Variants in SMIM14 observed in about 807,000 individuals in gnomAD.
SMIM14 encodes small integral membrane protein 14, also known as chromosome 4 open reading frame 34.
A neutral mutation model predicts 12.6 loss-of-function variants in SMIM14; 5 were observed. The observed-to-expected ratio is 0.40, with a 90% CI of 0.21 to 0.83. The LOEUF (loss-of-function observed/expected upper bound fraction) is 0.83, where lower values mean the gene tolerates loss of function less well. Among genes scored for constraint, SMIM14 ranks in the 40% least tolerant of loss-of-function variants. The probability of loss-of-function intolerance (pLI) is 0.37; values close to 1 mark genes in which losing one functional copy is unlikely to be tolerated. For synonymous variants in SMIM14, 30 were observed against 40.1 expected (o/e 0.75, Z 0.95); for missense variants, 86 against 119.1 (o/e 0.72, Z 1.29).
intron 1 of SMIM14, among the ~76,000 whole-genome samples, chr4:39,619,259 T>C (rs1457680362): frequency 2.4e-5 from 3 of 126,170 alleles, no homozygotes; most frequent in Admixed American, 1.8e-4. Context: ...ATTCTATATA[T>C]CAATAAATAT....
rs33990654 is a variant in SMIM14, at chr4:39,547,905, C to CT, written c.*4220dup. 577 of 137,960 alleles carry CT rather than the reference C, an allele frequency of 4.2e-3. 2 individuals are homozygous for CT. Among genetic ancestry groups the CT allele is most frequent in the African/African-American group, 6.2e-3 (226 of 36,540 alleles). 8.5% of individuals were successfully genotyped at this position (137,960 alleles called of 1,614,324 possible). ...ATAACATGAAAAAAATGAAAAACAT[C>CT]TTTTTTTTTTTTTTTTTGAGACGGA... On this transcript the variant is annotated 3_prime_UTR_variant, in exon 5 of 5. Transcript: ENST00000295958.
chr4:39,585,986 T>C (rs1250340470), intron 2 of SMIM14, among the ~76,000 whole-genome samples: 2 of 152,108 alleles, frequency 1.3e-5, no homozygotes, highest in Admixed American at 1.3e-4. Flanking sequence ...TACGGTCTTG[T>C]CCTGTAAAAT....
At chr4:39,625,590 G>T (rs557033410) in intron 1 of SMIM14, among the ~76,000 whole-genome samples, 10 of 152,172 alleles carry the variant, frequency 6.6e-5, no homozygotes, top group Middle Eastern at 3.4e-3. Context: ...ACAGGCACGC[G>T]CCACCACATC....
At chr4:39,638,630 T>C (rs755265943) in intron 1 of SMIM14, 109 bp downstream of exon 1, 3 of 974,622 alleles carry the variant, frequency 3.1e-6, no homozygotes, top group African/African-American at 1.8e-5. Flanking sequence ...AACAGCCCTG[T>C]TCTGCCGCAG....
At chr4:39,626,791 A>C (rs1036234509) in intron 1 of SMIM14, among the ~76,000 whole-genome samples, 1 of 151,156 alleles carries the variant, frequency 6.6e-6, no homozygotes, top group African/African-American at 2.4e-5. Flanking sequence ...ACTAGGCTTA[A>C]CTCTTCAAGG....
At chr4:39,580,440 A>C (rs559136667) in intron 2 of SMIM14, among the ~76,000 whole-genome samples, 1 of 152,214 alleles carries the variant, frequency 6.6e-6, no homozygotes, top group South Asian at 2.1e-4. Context: ...TTGGCCTCCC[A>C]AAGTGCTGGG....
chr4:39,628,988 C>T lies in SMIM14; in HGVS notation c.-36+9751G>A, dbSNP rs562428865. 8.8e-4 allele frequency among the ~76,000 whole-genome samples: 134 copies of T among 151,832 alleles called. 1 individual carries two copies. Among genetic ancestry groups the T allele is most frequent in the African/African-American group, 3.1e-3 (128 of 41,526 alleles). ...CTTCAGATGATCCACCTGCCTCAGC[C>T]TCTCAAAGTGCTGGGATTACAGGCG... On this transcript the variant is annotated intron_variant, in intron 1 of 4. Coordinates refer to ENST00000295958, the MANE Select transcript of SMIM14 (RefSeq NM_174921.3).
At chr4:39,623,303 T>TA in intron 1 of SMIM14, among the ~76,000 whole-genome samples, 1 of 152,180 alleles carries the variant, frequency 6.6e-6, no homozygotes, top group East Asian at 1.9e-4. Flanking sequence ...CTTTTAGTGC[T>TA]AAAAATTTCA....
At chr4:39,582,890 G>A (rs1713585935) in intron 2 of SMIM14, among the ~76,000 whole-genome samples, 1 of 151,790 alleles carries the variant, frequency 6.6e-6, no homozygotes, top group African/African-American at 2.4e-5. Flanking sequence ...CGCCTCCCGG[G>A]TCCAAAATTC....
intron 1 of SMIM14, among the ~76,000 whole-genome samples, chr4:39,637,887 T>C (rs1716159975): frequency 6.6e-6 from 1 of 152,222 alleles, no homozygotes; most frequent in South Asian, 2.1e-4. Flanking sequence ...GAAGGTCTCT[T>C]CTGCAAATGT....
chr4:39,565,819 G>A (rs748623946), intron 3 of SMIM14, among the ~76,000 whole-genome samples: 4 of 151,992 alleles, frequency 2.6e-5, no homozygotes, highest in Admixed American at 1.3e-4. Flanking sequence ...GGAGGTGATT[G>A]AATTATGGGG....
intron 2 of SMIM14, among the ~76,000 whole-genome samples, chr4:39,588,468 A>G (rs900234938): frequency 6.6e-6 from 1 of 152,198 alleles, no homozygotes; most frequent in South Asian, 2.1e-4. Context: ...ATAGAAGGCT[A>G]TGTGCCTTTT....
intron 1 of SMIM14, among the ~76,000 whole-genome samples, chr4:39,607,051 C>T (rs1190235131): frequency 6.6e-6 from 1 of 152,114 alleles, no homozygotes; most frequent in Non-Finnish European, 1.5e-5. Flanking sequence ...CCAGTAGTCC[C>T]AGCCACTTGG....
At chr4:39,579,180 G>A (rs1460247448) in intron 2 of SMIM14, among the ~76,000 whole-genome samples, 1 of 151,742 alleles carries the variant, frequency 6.6e-6, no homozygotes, top group African/African-American at 2.4e-5. Context: ...AGGCTGAGGT[G>A]GGAAGATCGC....
chr4:39,612,583 A>G (rs1237202175), intron 1 of SMIM14, among the ~76,000 whole-genome samples: 1 of 152,140 alleles, frequency 6.6e-6, no homozygotes, highest in Non-Finnish European at 1.5e-5. Flanking sequence ...AAATGAAAAG[A>G]TATTTTACTA....
In SMIM14 at chr4:39,624,675, T is replaced by G. The variant is rs1490029254; in HGVS notation, c.-36+14064A>C. Reference sequence around the variant, plus strand: ...CCCATCTCTACTAAAAATACAAAAATTAGCTGGGCGTGGTGGTGTGTCCCT... The same window carrying G: ...CCCATCTCTACTAAAAATACAAAAAGTAGCTGGGCGTGGTGGTGTGTCCCT... On this transcript the variant is annotated intron_variant, in intron 1 of 4. Transcript: ENST00000295958. Among the ~76,000 whole-genome samples, 4 of 147,570 alleles carry G rather than the reference T, an allele frequency of 2.7e-5. No individual in the cohort carries two copies. In the Admixed American group the frequency reaches 2.7e-4, roughly 10 times the overall value.
chr4:39,560,984 A>G (rs571044252), intron 3 of SMIM14, among the ~76,000 whole-genome samples: 5 of 152,050 alleles, frequency 3.3e-5, no homozygotes, highest in African/African-American at 9.6e-5. Context: ...GGATCTCCCT[A>G]TATCTACTCC....
chr4:39,565,289 AT>A lies in SMIM14; in HGVS notation c.124+7125del, dbSNP rs1439719889. Among the ~76,000 whole-genome samples the A allele has an allele frequency of 5.9e-5, 9 of 152,298 alleles. No homozygotes were observed. The East Asian group carries it at 1.5e-3, about 26-fold the overall frequency. On this transcript the variant is annotated intron_variant, in intron 3 of 4. Transcript: ENST00000295958. ...GATCATGTTGGCCTTATAGGTCATAATAAGCTTCTATTACATATTAAATAGA... is the reference window on the plus strand; with the variant it reads ...GATCATGTTGGCCTTATAGGTCATAAAAGCTTCTATTACATATTAAATAGA...
chr4:39,570,643 A>G (rs1269531616), intron 3 of SMIM14, among the ~76,000 whole-genome samples: 2 of 149,436 alleles, frequency 1.3e-5, no homozygotes, highest in Non-Finnish European at 2.9e-5. Flanking sequence ...CTTCCCCACA[A>G]TGAATTATTA....
Sources: allele counts gnomAD v4.1 joint callset (sites outside exome capture counted in the v4.1 genomes callset), GRCh38; gene constraint gnomAD v4.1.1; transcripts MANE v1.5; gene names NCBI Gene and HGNC (gene_info 2026-07-23, HGNC 2026-07-21).